SLC25A26: variants seen among roughly 807,000 people sequenced by gnomAD.
SLC25A26 encodes the protein solute carrier family 25 member 26.
A neutral mutation model predicts 37.8 loss-of-function variants in SLC25A26; 36 were observed. That is an observed-to-expected ratio of 0.95 (90% CI 0.73 to 1.26). SLC25A26 has a LOEUF of 1.26. SLC25A26 is among the 50% of genes most tolerant of loss of function. SLC25A26 has a pLI of 0.00. For synonymous variants in SLC25A26, 129 were observed against 122.5 expected, an observed-to-expected ratio of 1.05 and a Z score of -0.35; for missense variants, 390 against 331.1, an observed-to-expected ratio of 1.18 and a Z score of -1.38.
At chr3:66,321,328 A>T (rs2075687655) in intron 5 of SLC25A26, among the ~76,000 whole-genome samples, 1 of 152,246 alleles carries the variant, frequency 6.6e-6, no homozygotes, top group Non-Finnish European at 1.5e-5. Context: ...CTTTTATAGC[A>T]TGATGAGAAT....
chr3:66,239,051 C>G (rs1361501576), intron 2 of SLC25A26, among the ~76,000 whole-genome samples: 1 of 152,122 alleles, frequency 6.6e-6, no homozygotes, highest in African/African-American at 2.4e-5. Context: ...TAAAGGAAGT[C>G]AAAAGCAGTC....
chr3:66,314,703 C>T (rs1389808085), intron 5 of SLC25A26, among the ~76,000 whole-genome samples: 2 of 151,404 alleles, frequency 1.3e-5, no homozygotes, highest in African/African-American at 4.9e-5. Context: ...GTATCAGCTC[C>T]TGTTTATATT....
intron 7 of SLC25A26, among the ~76,000 whole-genome samples, chr3:66,368,166 A>C (rs897638621): frequency 3.3e-5 from 5 of 152,210 alleles, no homozygotes; most frequent in African/African-American, 1.2e-4. Context: ...CACAAAAGCG[A>C]GAAGGAAAGT....
intron 1 of SLC25A26, among the ~76,000 whole-genome samples, chr3:66,225,393 C>G (rs2071695317): frequency 6.6e-6 from 1 of 152,212 alleles, no homozygotes; most frequent in African/African-American, 2.4e-5. Flanking sequence ...TGAGCTCTAC[C>G]TTGGCCCCTT....
At chr3:66,186,451 A>G (rs1000189984) in intron 1 of SLC25A26, among the ~76,000 whole-genome samples, 73,285 of 150,552 alleles carry the variant, frequency 0.49, 18,567 homozygotes, top group East Asian at 0.75. Context: ...CCTTTATCTT[A>G]TNCCTCAACC....
intron 3 of SLC25A26, among the ~76,000 whole-genome samples, chr3:66,259,809 C>CT (rs1440663592): frequency 6.6e-6 from 1 of 152,130 alleles, no homozygotes; most frequent in Non-Finnish European, 1.5e-5. Flanking sequence ...TCTGCTTCAG[C>CT]TTTTTCAAGT....
intron 1 of SLC25A26, among the ~76,000 whole-genome samples, chr3:66,204,389 G>A (rs1343992819): frequency 1.6e-5 from 2 of 125,008 alleles, no homozygotes; most frequent in African/African-American, 5.7e-5. Context: ...TCGCGCCACT[G>A]CACTCCAGCC....
chr3:66,290,685 G>A (rs2074674364), intron 5 of SLC25A26, among the ~76,000 whole-genome samples: 1 of 152,170 alleles, frequency 6.6e-6, no homozygotes, highest in Non-Finnish European at 1.5e-5. Context: ...TGGTGGATAA[G>A]CTTGTCGGTG....
intron 5 of SLC25A26, among the ~76,000 whole-genome samples, chr3:66,324,726 G>A (rs2107655898): frequency 6.6e-6 from 1 of 152,132 alleles, no homozygotes; most frequent in East Asian, 1.9e-4. Flanking sequence ...GAGTTGGTTA[G>A]GTCAGATTTT....
chr3:66,366,698 G>T (rs958909542), intron 7 of SLC25A26, among the ~76,000 whole-genome samples: 1 of 152,124 alleles, frequency 6.6e-6, no homozygotes, highest in African/African-American at 2.4e-5. Flanking sequence ...CAACCTTTAG[G>T]TCTTTTTAAT....
At chr3:66,173,650 AAG>A (rs1366735453) in intron 1 of SLC25A26, among the ~76,000 whole-genome samples, 1 of 152,218 alleles carries the variant, frequency 6.6e-6, no homozygotes, top group East Asian at 1.9e-4. Context: ...AATTATATAA[AAG>A]AACATAATTG....
intron 8 of SLC25A26, 70 bp from the exon 9 acceptor site, chr3:66,370,459 A>G (rs181453669): frequency 8.2e-7 from 1 of 1,220,628 alleles, no homozygotes; most frequent in African/African-American, 1.5e-5. Context: ...GTGTCTGAGG[A>G]TATCTGAGAG....
In SLC25A26 at chr3:66,251,827, A is replaced by G. The variant is rs1338528643; in HGVS notation, c.300+8515A>G. 7.2e-5 allele frequency among the ~76,000 whole-genome samples: 11 copies of G among 152,156 alleles called. 1 individual carries two copies. Among genetic ancestry groups the G allele is most frequent in the Middle Eastern group, 6.8e-3 (2 of 294 alleles). On this transcript the variant is annotated intron_variant, in intron 3 of 9. Coordinates refer to ENST00000354883, the MANE Select transcript of SLC25A26 (RefSeq NM_001379210.1). ...CTGTTGTATGGATTTTCTTTTTCTA[A>G]TATAGTATGCAGTGTTAGTTCAGAT...
intron 5 of SLC25A26, among the ~76,000 whole-genome samples, chr3:66,282,233 G>T (rs1299341975): frequency 6.6e-6 from 1 of 150,674 alleles, no homozygotes; most frequent in Non-Finnish European, 1.5e-5. Context: ...GGATGGTCTC[G>T]ATCTCCTGAC....
At chr3:66,312,236 G>A (rs763168193) in intron 5 of SLC25A26, among the ~76,000 whole-genome samples, 10 of 152,200 alleles carry the variant, frequency 6.6e-5, no homozygotes, top group Non-Finnish European at 1.2e-4. Flanking sequence ...TGGCTTTGCA[G>A]TGGGTTCTGC....
In SLC25A26 at chr3:66,296,225, A is replaced by G. The variant is rs368740696; in HGVS notation, c.453+32846A>G. On this transcript the variant is annotated intron_variant, in intron 5 of 9. Coordinates refer to ENST00000354883, the MANE Select transcript of SLC25A26 (RefSeq NM_001379210.1). ...ACCAATTCTCTGAATTATTAGTTCA[A>G]AGAAGCATGTGGACAGGGATGAAAT... Among the ~76,000 whole-genome samples the G allele has an allele frequency of 7.2e-5, 11 of 152,342 alleles. No individual in the cohort carries two copies. In the East Asian group the frequency reaches 9.6e-4, roughly 13 times the overall value.
chr3:66,307,012 G>A (rs1414307168), intron 5 of SLC25A26, among the ~76,000 whole-genome samples: 3 of 152,172 alleles, frequency 2.0e-5, no homozygotes, highest in African/African-American at 7.2e-5. Flanking sequence ...AATCCTTTGG[G>A]TATATACCCA....
chr3:66,250,035 C>T (rs1481213975), intron 3 of SLC25A26, among the ~76,000 whole-genome samples: 1 of 152,220 alleles, frequency 6.6e-6, no homozygotes, highest in Middle Eastern at 3.2e-3. Flanking sequence ...GCATTAAATA[C>T]ATAAGGCAGG....
intron 5 of SLC25A26, among the ~76,000 whole-genome samples, chr3:66,311,801 C>G (rs2075385626): frequency 6.6e-6 from 1 of 152,126 alleles, no homozygotes; most frequent in Non-Finnish European, 1.5e-5. Context: ...ACCCTGTGTG[C>G]CTGGGTATCA....
Sources: gnomAD v4.1 joint callset for allele counts (sites outside exome capture counted in the v4.1 genomes callset) on GRCh38, gnomAD v4.1.1 for gene constraint, MANE v1.5 for transcripts, NCBI Gene and HGNC (gene_info 2026-07-23, HGNC 2026-07-21) for gene names.